The following SUCO variants were observed in gnomAD, a reference collection of about 807,000 sequenced individuals.
The protein encoded by SUCO is SUN domain-containing ossification factor.
In SUCO, 57 loss-of-function variants were observed where a neutral mutation model predicts 148.1. The observed-to-expected ratio is 0.38, with a 90% CI of 0.31 to 0.48. The LOEUF is 0.48. SUCO is among the 20% of genes least tolerant of loss of function. The pLI, the probability that SUCO is intolerant of heterozygous loss-of-function variation, is 0.96. For synonymous variants in SUCO, 470 were observed against 502.7 expected (o/e 0.93, Z 0.87); for missense variants, 1,331 against 1,468.2 (o/e 0.91, Z 1.53).
chr1:172,585,132 G>A (rs372842255), intron 16 of SUCO, 46 bp downstream of exon 16: 37 of 1,381,000 alleles, frequency 2.7e-5, no homozygotes, highest in Middle Eastern at 1.9e-4. Context: ...GTACTCCAGG[G>A]ATCCTTATAT....
rs1200867487 is a variant in SUCO at position 172,585,076 on chromosome 1, C to T, written c.1557C>T (p.Asp519=). Residue 519 remains aspartate (D), a synonymous_variant, in exon 16 of 24, where the codon GAC becomes GAT. Coordinates refer to ENST00000263688, the MANE Select transcript of SUCO (RefSeq NM_014283.5). The part of the protein sequence containing the change: ...AANILGAKTE[D]LTEGNKSISE... Reference sequence around the variant, plus strand: ...ATATTCTGGGAGCAAAAACTGAAGACCTGACAGAAGGTACCTAATCATTTT... The same window carrying T: ...ATATTCTGGGAGCAAAAACTGAAGATCTGACAGAAGGTACCTAATCATTTT... The T allele has an allele frequency of 1.9e-6, 3 of 1,603,726 alleles. No homozygotes were observed. Among genetic ancestry groups the T allele is most frequent in the African/African-American group, 1.3e-5 (1 of 74,672 alleles).
At chr1:172,539,083 C>T (rs939377604) in intron 1 of SUCO, among the ~76,000 whole-genome samples, 6 of 152,084 alleles carry the variant, frequency 3.9e-5, no homozygotes, top group Admixed American at 6.6e-5. Context: ...TTTCATTTTT[C>T]GTTTGTTCAT....
intron 22 of SUCO, among the ~76,000 whole-genome samples, chr1:172,606,682 TC>T (rs1657889534): frequency 6.6e-6 from 1 of 151,874 alleles, no homozygotes; most frequent in Non-Finnish European, 1.5e-5. Flanking sequence ...ATTCTCCTCT[TC>T]TTTTTCTTTA....
chr1:172,592,581 G>T (rs1036875346), intron 19 of SUCO, among the ~76,000 whole-genome samples: 2 of 152,116 alleles, frequency 1.3e-5, no homozygotes, highest in African/African-American at 4.8e-5. Context: ...AAGATCAGAT[G>T]GTTGTAGATG....
At position 172,564,060 on chromosome 1, in the gene SUCO, C is replaced by T. The variant is rs1308074293; in HGVS notation, c.733-4959C>T. On this transcript the variant is annotated intron_variant, in intron 6 of 23. Transcript: ENST00000263688. ...ATTGGGCCTATGAGTGCAAAAAGGG[C>T]AGGAGTTGAGGTTTGGGAACTTCTG... Among the ~76,000 whole-genome samples the T allele has an allele frequency of 2.0e-5, 3 of 152,230 alleles. No homozygotes were observed. In the East Asian group the frequency reaches 5.8e-4, roughly 29 times the overall value.
intron 22 of SUCO, chr1:172,607,976 GTTTAT>G: frequency 1.9e-6 from 1 of 529,826 alleles, no homozygotes; most frequent in Non-Finnish European, 2.4e-6. Flanking sequence ...ACCTTAAATT[GTTTAT>G]TTTTAGTGGA....
rs371813863 is a variant in SUCO, at chr1:172,557,405, G to C, written c.569G>C (p.Ser190Thr). ...CCAATTGAACAACCTTCCTTTGTCAGTCCACCTGACAGGTGGGTAGGAGCA... is the reference window on the plus strand; with the variant it reads ...CCAATTGAACAACCTTCCTTTGTCACTCCACCTGACAGGTGGGTAGGAGCA... ...SAPIEQPSFVSPPDSLVGQHI... is the reference protein window; with the variant it reads ...SAPIEQPSFVTPPDSLVGQHI... The change falls in exon 5 of 24, where the codon AGT becomes ACT. Residue 190 changes from serine to threonine, a missense_variant. Physicochemically the swap from Ser to Thr is moderately conservative, Grantham distance 58. Coordinates refer to ENST00000263688, the MANE Select transcript of SUCO (RefSeq NM_014283.5). 6.2e-7 allele frequency: 1 copy of C among 1,613,944 alleles called. No individual in the cohort carries two copies. The highest frequency in any genetic ancestry group is 2.2e-5 in the East Asian group (1 of 44,870).
intron 1 of SUCO, among the ~76,000 whole-genome samples, chr1:172,544,474 C>T (rs1022117513): frequency 6.6e-6 from 1 of 152,184 alleles, no homozygotes; most frequent in Non-Finnish European, 1.5e-5. Context: ...GAATTTAGAG[C>T]GGGCCACCCA....
chr1:172,567,941 G>A (rs535915952), intron 6 of SUCO, among the ~76,000 whole-genome samples: 14 of 152,280 alleles, frequency 9.2e-5, no homozygotes, highest in African/African-American at 2.2e-4. Context: ...GGAACCAGGC[G>A]CACGACAGGT....
chr1:172,567,955 G>A (rs938205043), intron 6 of SUCO, among the ~76,000 whole-genome samples: 4 of 152,184 alleles, frequency 2.6e-5, no homozygotes, highest in Non-Finnish European at 5.9e-5. Context: ...GACAGGTGGT[G>A]AGCAGCAGGT....
In SUCO at chr1:172,588,875, A is replaced by G. The variant is rs1656417435; in HGVS notation, c.1774A>G (p.Thr592Ala). 2 of 1,613,480 alleles carry G rather than the reference A, an allele frequency of 1.2e-6. No individual in the cohort carries two copies. The highest frequency in any genetic ancestry group is 4.5e-5 in the East Asian group (2 of 44,874). The change falls in exon 18 of 24, where the codon ACA becomes GCA. Residue 592 changes from threonine to alanine, a missense_variant. This residue lies in a region of SUCO where 992 missense variants were observed against 1,093.5 expected (regional missense o/e 0.91). Transcript: ENST00000263688. Reference protein sequence around the residue: ...QEEEEEASPSTVTLLGSGEQE... With the variant: ...QEEEEEASPSAVTLLGSGEQE... ...GGAGGAAGAGGAGGCAAGTCCATCTACAGTGACCCTTCTGGGCAGCGGTGA... is the reference window on the plus strand; with the variant it reads ...GGAGGAAGAGGAGGCAAGTCCATCTGCAGTGACCCTTCTGGGCAGCGGTGA...
intron 15 of SUCO, among the ~76,000 whole-genome samples, chr1:172,581,635 A>C (rs1655891666): frequency 1.3e-5 from 2 of 152,218 alleles, no homozygotes; most frequent in African/African-American, 4.8e-5. Context: ...GGTCTTTGGC[A>C]CAAGAATGTC....
At chr1:172,595,312 TC>T (rs1405804807) in intron 19 of SUCO, among the ~76,000 whole-genome samples, 2 of 152,224 alleles carry the variant, frequency 1.3e-5, no homozygotes, top group Non-Finnish European at 2.9e-5. Flanking sequence ...GTGAATGTGA[TC>T]CTGTCATTAT....
Position 172,605,293 on chromosome 1 carries a change from TTTA to T in SUCO, c.3265+2508_3265+2510del, listed in dbSNP as rs1480880285. Among the ~76,000 whole-genome samples, 21 of 151,864 alleles carry T rather than the reference TTTA, an allele frequency of 1.4e-4. 1 individual carries two copies. The highest frequency in any genetic ancestry group is 1.4e-3 in the Admixed American group (21 of 15,246). On this transcript the variant is annotated intron_variant, in intron 22 of 23. Transcript: ENST00000263688. Reference sequence around the variant, plus strand: ...TTTTCCCCTGTTTTCTTCCAAGACTTTTATAGATTTATGTCTTTAATCTATTTT... The same window carrying T: ...TTTTCCCCTGTTTTCTTCCAAGACTTTAGATTTATGTCTTTAATCTATTTT...
At chr1:172,604,662 C>G (rs1657749136) in intron 22 of SUCO, among the ~76,000 whole-genome samples, 1 of 151,698 alleles carries the variant, frequency 6.6e-6, no homozygotes, top group Non-Finnish European at 1.5e-5. Flanking sequence ...TGTCCATTAA[C>G]CAATTCCCCT....
At chr1:172,564,675 C>T (rs374420049) in intron 6 of SUCO, among the ~76,000 whole-genome samples, 30 of 151,820 alleles carry the variant, frequency 2.0e-4, no homozygotes, top group African/African-American at 6.5e-4. Context: ...TGGACTAATA[C>T]GTTGTCCTAT....
Position 172,575,766 on chromosome 1 carries a change from A to G in SUCO, c.1263+143A>G, listed in dbSNP as rs901908714. 1.2e-5 allele frequency: 6 copies of G among 493,860 alleles called. No homozygotes were observed. In the East Asian group the frequency reaches 1.7e-4, roughly 14 times the overall value. 30.6% of individuals were successfully genotyped at this position (493,860 alleles called of 1,614,324 possible). A position where few individuals can be genotyped will look rare whatever the true frequency, so the allele number is the denominator to read the frequency against. ...CTTAATAGATAATTCTTACTTGGGT[A>G]TATTATTTCATGAATCAAATATTGC... On this transcript the variant is annotated intron_variant, in intron 11 of 23. Transcript: ENST00000263688.
chr1:172,534,602 G>C (rs562276531), intron 1 of SUCO, among the ~76,000 whole-genome samples: 1 of 152,254 alleles, frequency 6.6e-6, no homozygotes, highest in East Asian at 1.9e-4. Context: ...AAGTTTTTGA[G>C]AACAAAAACA....
chr1:172,589,251 A>AAT lies in SUCO; in HGVS notation c.2150_2151insAT (p.Asp717GlufsTer20), dbSNP rs1257794587. 6.2e-7 allele frequency: 1 copy of AAT among 1,613,926 alleles called. No individual in the cohort carries two copies. On this transcript the variant is annotated frameshift_variant, in exon 18 of 24. Transcript: ENST00000263688. LOFTEE classifies it high-confidence loss of function. ...GATGACTTGGTGAATCACACTGTAG[A>AAT]TGCAGTTGAACTTGAACCAAGCCAT...
Sources: allele counts gnomAD v4.1 joint callset (sites outside exome capture counted in the v4.1 genomes callset), GRCh38; gene constraint gnomAD v4.1.1; regional missense constraint gnomAD v4.1.1; transcripts MANE v1.5; gene names NCBI Gene and HGNC (gene_info 2026-07-23, HGNC 2026-07-21).